Variants in ENTPD1 observed in about 807,000 individuals in gnomAD.
ENTPD1 encodes ATP diphosphohydrolase.
A neutral mutation model predicts 57.0 loss-of-function variants in ENTPD1; 33 were observed. The ratio of observed to expected loss-of-function variants is 0.58; its 90% CI spans 0.44 to 0.77. The LOEUF is 0.77. Among genes scored for constraint, ENTPD1 ranks in the 30% least tolerant of loss-of-function variants. The probability of loss-of-function intolerance (pLI) is 0.00; values close to 1 mark genes in which losing one functional copy is unlikely to be tolerated. For synonymous variants in ENTPD1, 202 were observed against 218.8 expected (o/e 0.92, Z 0.68); for missense variants, 501 against 603.4 (o/e 0.83, Z 1.78).
At chr10:95,702,459 G>A in the ENTPD1 span, among the ~76,000 whole-genome samples, 2 of 151,880 alleles carry the variant, frequency 1.3e-5, no homozygotes, top group African/African-American at 2.4e-5. Context: ...TAAAACATGG[G>A]AAAATGTGTT....
At chr10:95,793,717 T>C (rs892524985) in intron 1 of ENTPD1, among the ~76,000 whole-genome samples, 1 of 152,078 alleles carries the variant, frequency 6.6e-6, no homozygotes, top group African/African-American at 2.4e-5. Flanking sequence ...AGAATTGGAT[T>C]AGAGAAACTA....
rs1381598012 is a variant in ENTPD1 at position 95,844,622 on chromosome 10, G to A, written c.560G>A (p.Gly187Asp). ...YGWITINYLL[G>D]KFSQKTRWFS... ...TGGATTACTATCAACTATCTGCTGG[G>A]CAAATTCAGTCAGGTGAATATCTCA... The change falls in exon 5 of 10, where the codon GGC (glycine) becomes GAC (aspartate). Residue 187 changes from glycine to aspartate, a missense_variant. Coordinates refer to ENST00000371205, the MANE Select transcript of ENTPD1 (RefSeq NM_001776.6). 1 of 1,614,078 alleles carries A rather than the reference G, an allele frequency of 6.2e-7. No homozygotes were observed. Among genetic ancestry groups the A allele is most frequent in the African/African-American group, 1.3e-5 (1 of 75,034 alleles).
chr10:95,774,435 G>T (rs1449480040), intron 1 of ENTPD1, among the ~76,000 whole-genome samples: 2 of 152,146 alleles, frequency 1.3e-5, no homozygotes, highest in African/African-American at 2.4e-5. Context: ...CATTGCCTAG[G>T]TTTTCTTCTA....
intron 1 of ENTPD1, among the ~76,000 whole-genome samples, chr10:95,769,639 T>G (rs529303087): frequency 6.6e-6 from 1 of 152,322 alleles, no homozygotes; most frequent in South Asian, 2.1e-4. Flanking sequence ...ATAGGATCAC[T>G]CTGGCTGCAT....
At chr10:95,854,700 C>A (rs1771139698) in intron 7 of ENTPD1, among the ~76,000 whole-genome samples, 1 of 152,180 alleles carries the variant, frequency 6.6e-6, no homozygotes, top group African/African-American at 2.4e-5. Context: ...ACCCAGTAGT[C>A]ATTCAGGAGC....
At position 95,808,876 on chromosome 10, in the gene ENTPD1, C is replaced by T. The variant is rs983038332; in HGVS notation, c.17-14361C>T. Among the ~76,000 whole-genome samples the T allele has an allele frequency of 5.5e-4, 83 of 152,034 alleles. 3 individuals carry two copies. The highest frequency in any genetic ancestry group is 7.4e-5 in the Non-Finnish European group (5 of 68,022). ...CTAGGCAGAGGACCCTGCAGCCTTC[C>T]GCAGTGTTTGTGTCCTTGGGTACTT... On this transcript the variant is annotated intron_variant, in intron 1 of 9. Transcript: ENST00000371205.
chr10:95,871,598 A>AG lies in ENTPD1; in HGVS notation c.*5216dup. On this transcript the variant is annotated 3_prime_UTR_variant, in exon 10 of 10. Coordinates refer to ENST00000371205, the MANE Select transcript of ENTPD1 (RefSeq NM_001776.6). ...TCAATAGTGAGGAGGTGCCTCCATG[A>AG]GCCTTCTCTTTAGAAAAGTGGCATT... The AG allele has an allele frequency of 1.0e-6, 1 of 985,474 alleles. No individual in the cohort carries two copies. The highest frequency in any genetic ancestry group is 4.7e-5 in the South Asian group (1 of 21,292). The allele number at this position is 985,474 out of a possible 1,614,324, so 61.0% of individuals were successfully genotyped here.
At chr10:95,751,700 G>A (rs1645960100), upstream of ENTPD1, among the ~76,000 whole-genome samples, 1 of 142,752 alleles carries the variant, frequency 7.0e-6, no homozygotes, top group South Asian at 2.3e-4. Flanking sequence ...GGGCGACAGA[G>A]TGAGACATCG....
intron 1 of ENTPD1, among the ~76,000 whole-genome samples, chr10:95,766,591 TTA>T (rs2098089259): frequency 6.6e-6 from 1 of 152,218 alleles, no homozygotes; most frequent in African/African-American, 2.4e-5. Flanking sequence ...ATAACTCTTT[TTA>T]TCTACTTTTT....
At chr10:95,844,274 A>T (rs1190003779) in intron 4 of ENTPD1, among the ~76,000 whole-genome samples, 1 of 152,228 alleles carries the variant, frequency 6.6e-6, no homozygotes, top group Non-Finnish European at 1.5e-5. Flanking sequence ...GGATTTGGAG[A>T]GAGATGAACA....
chr10:95,741,689 C>T (rs2098000540), intron 1 of ENTPD1, among the ~76,000 whole-genome samples: 1 of 152,144 alleles, frequency 6.6e-6, no homozygotes, highest in Non-Finnish European at 1.5e-5. Flanking sequence ...AAGCAGTTCC[C>T]AGGTTGCTTG....
At chr10:95,707,561 G>A (rs1399667466), upstream of ENTPD1, among the ~76,000 whole-genome samples, 2 of 152,174 alleles carry the variant, frequency 1.3e-5, no homozygotes. Context: ...GTCTTCAAAT[G>A]GGCTAGGGTT....
At chr10:95,839,624 T>G (rs2098418394) in intron 2 of ENTPD1, 67 bp from the exon 3 acceptor site, 5 of 1,540,242 alleles carry the variant, frequency 3.2e-6, no homozygotes. Context: ...CAGTCCTTTC[T>G]TTTGCAAGCC....
intron 7 of ENTPD1, among the ~76,000 whole-genome samples, chr10:95,850,095 G>A (rs2098442321): frequency 6.6e-6 from 1 of 152,290 alleles, no homozygotes; most frequent in Admixed American, 6.5e-5. Context: ...ACCAAAGCAG[G>A]GAGAGATAGG....
Position 95,786,461 on chromosome 10 carries a change from CATATCCCT to C in ENTPD1, c.16+30208_16+30215del, listed in dbSNP as rs1355175737. Among the ~76,000 whole-genome samples, 7 of 152,120 alleles carry C rather than the reference CATATCCCT, an allele frequency of 4.6e-5. No homozygotes were observed. In the East Asian group the frequency reaches 1.3e-3, roughly 29 times the overall value. ...TTCAGTAGGGGAGGGAGAAGGAATG[CATATCCCT>C]AGCTTCCGTATTGCACTACCGTCCT... is the stretch of plus-strand genomic sequence containing the variant. On this transcript the variant is annotated intron_variant, in intron 1 of 9. Transcript: ENST00000371205.
chr10:95,832,284 C>T (rs563073350), intron 2 of ENTPD1, among the ~76,000 whole-genome samples: 2 of 152,286 alleles, frequency 1.3e-5, no homozygotes, highest in South Asian at 2.1e-4. Context: ...CAGTTTGAAC[C>T]TCCAGAGTGC....
At chr10:95,799,600 G>T (rs2140323553) in intron 1 of ENTPD1, among the ~76,000 whole-genome samples, 1 of 152,148 alleles carries the variant, frequency 6.6e-6, no homozygotes, top group South Asian at 2.1e-4. Context: ...GTGCTGCAGT[G>T]AACATATGTG....
At chr10:95,756,348 T>C in intron 1 of ENTPD1, 93 bp downstream of exon 1, 1 of 1,394,408 alleles carries the variant, frequency 7.2e-7, no homozygotes, top group South Asian at 1.3e-5. Flanking sequence ...ACTTGAAAGC[T>C]GGAGGCAAAA....
chr10:95,717,399 T>TA (rs1480012164), intron 1 of ENTPD1, among the ~76,000 whole-genome samples: 1 of 142,992 alleles, frequency 7.0e-6, no homozygotes, highest in African/African-American at 2.6e-5. Context: ...AGAGCTCCCA[T>TA]AAAATGGGAG....
Sources: allele counts gnomAD v4.1 joint callset (sites outside exome capture counted in the v4.1 genomes callset), GRCh38; gene constraint gnomAD v4.1.1; transcripts MANE v1.5; gene names NCBI Gene and HGNC (gene_info 2026-07-23, HGNC 2026-07-21).